Variants in CAPZB observed in about 807,000 individuals in gnomAD.
The protein encoded by CAPZB is F-actin-capping protein subunit beta.
Under a neutral mutation model 38.1 loss-of-function variants are expected in CAPZB, and 2 were observed. The ratio of observed to expected loss-of-function variants is 0.05; its 90% CI spans 0.02 to 0.17. The LOEUF (loss-of-function observed/expected upper bound fraction) is 0.17, where lower values mean the gene tolerates loss of function less well. Among genes scored for constraint, CAPZB ranks in the 10% least tolerant of loss-of-function variants. CAPZB has a pLI of 1.00. For synonymous variants in CAPZB, 107 were observed against 127.4 expected (o/e 0.84, Z 1.08); for missense variants, 161 against 334.2 (o/e 0.48, Z 4.04).
At chr1:19,367,156 G>A (rs10917429) in intron 4 of CAPZB, among the ~76,000 whole-genome samples, 1 of 152,200 alleles carries the variant, frequency 6.6e-6, no homozygotes, top group Non-Finnish European at 1.5e-5. Context: ...AAAGTCCAGA[G>A]AGCTGCAGAC....
intron 1 of CAPZB, among the ~76,000 whole-genome samples, chr1:19,442,009 C>CAAAACAAAAA (rs1553287699): frequency 7.0e-5 from 6 of 86,044 alleles, no homozygotes; most frequent in African/African-American, 1.5e-4. Context: ...ACTCTGTCTC[C>CAAAACAAAAA]AAAAAAAAAA....
intron 1 of CAPZB, among the ~76,000 whole-genome samples, chr1:19,485,052 G>T (rs1054027628): frequency 1.1e-4 from 17 of 152,202 alleles, no homozygotes; most frequent in African/African-American, 4.1e-4. Context: ...AGAGACGGGG[G>T]AAAGCAGACC....
intron 6 of CAPZB, among the ~76,000 whole-genome samples, chr1:19,346,945 T>A (rs765275936): frequency 8.1e-5 from 12 of 147,736 alleles, no homozygotes; most frequent in South Asian, 4.4e-4. Flanking sequence ...TGCCTCAGCC[T>A]CCCCAGTAGC....
At chr1:19,391,755 A>G (rs1370524679) in intron 2 of CAPZB, among the ~76,000 whole-genome samples, 4 of 152,230 alleles carry the variant, frequency 2.6e-5, no homozygotes, top group Non-Finnish European at 5.9e-5. Context: ...CATGTCAAGG[A>G]GAAATTCACA....
intron 6 of CAPZB, among the ~76,000 whole-genome samples, chr1:19,355,910 A>G (rs1177257034): frequency 6.6e-6 from 1 of 152,204 alleles, no homozygotes; most frequent in Non-Finnish European, 1.5e-5. Flanking sequence ...CCAGATGCTT[A>G]TGGGAGCATC....
chr1:19,423,208 A>T (rs1178642517), intron 1 of CAPZB, among the ~76,000 whole-genome samples: 3 of 152,228 alleles, frequency 2.0e-5, no homozygotes, highest in African/African-American at 7.2e-5. Context: ...ACTATCATTC[A>T]ATGAGGAAAT....
intron 1 of CAPZB, among the ~76,000 whole-genome samples, chr1:19,452,397 C>T (rs998467030): frequency 6.6e-6 from 1 of 152,200 alleles, no homozygotes; most frequent in African/African-American, 2.4e-5. Context: ...TCTGTACTGC[C>T]CGAGTCCGGC....
At chr1:19,351,879 T>C (rs1020790923) in intron 6 of CAPZB, among the ~76,000 whole-genome samples, 5 of 152,178 alleles carry the variant, frequency 3.3e-5, no homozygotes, top group African/African-American at 7.2e-5. Flanking sequence ...GTTTCCGCCC[T>C]TCACAGCACG....
intron 4 of CAPZB, among the ~76,000 whole-genome samples, chr1:19,376,708 T>C (rs1366373166): frequency 6.6e-6 from 1 of 152,224 alleles, no homozygotes; most frequent in Non-Finnish European, 1.5e-5. Context: ...GGTCCACTGT[T>C]TGTTTTTCCA....
chr1:19,468,523 G>C (rs898217572), intron 1 of CAPZB, among the ~76,000 whole-genome samples: 1 of 152,160 alleles, frequency 6.6e-6, no homozygotes, highest in Non-Finnish European at 1.5e-5. Flanking sequence ...TGAAAAGGAA[G>C]TCAATGATAA....
At chr1:19,476,871 C>T (rs1231369719) in intron 1 of CAPZB, among the ~76,000 whole-genome samples, 1 of 152,228 alleles carries the variant, frequency 6.6e-6, no homozygotes, top group East Asian at 1.9e-4. Context: ...CCAGTTTCCT[C>T]ATCTATAAAA....
chr1:19,342,530 C>T (rs1215746417), intron 8 of CAPZB, among the ~76,000 whole-genome samples: 3 of 152,252 alleles, frequency 2.0e-5, no homozygotes, highest in South Asian at 4.1e-4. Context: ...GTCTTCCCCA[C>T]ACCCAGCCTC....
At chr1:19,438,811 G>A (rs1236270579) in intron 1 of CAPZB, among the ~76,000 whole-genome samples, 1 of 152,226 alleles carries the variant, frequency 6.6e-6, no homozygotes, top group East Asian at 1.9e-4. Flanking sequence ...TGCTGTGCGT[G>A]ACTCCCCACC....
chr1:19,443,140 A>G (rs551042485), intron 1 of CAPZB, among the ~76,000 whole-genome samples: 3 of 152,028 alleles, frequency 2.0e-5, no homozygotes, highest in African/African-American at 7.3e-5. Flanking sequence ...TAATCACAGC[A>G]CTTTGTGAGG....
At chr1:19,342,678 G>T in intron 8 of CAPZB, 3 of 922,036 alleles carry the variant, frequency 3.3e-6, no homozygotes, top group East Asian at 4.9e-5. Flanking sequence ...AGCAGCAGCC[G>T]GACCGGCAGG....
chr1:19,422,458 A>G (rs577250553), intron 1 of CAPZB, among the ~76,000 whole-genome samples: 2 of 152,282 alleles, frequency 1.3e-5, no homozygotes, highest in East Asian at 3.9e-4. Context: ...CAAACGTTTT[A>G]TATATAATTC....
intron 1 of CAPZB, among the ~76,000 whole-genome samples, chr1:19,427,289 A>G (rs1226604691): frequency 6.6e-6 from 1 of 152,208 alleles, no homozygotes; most frequent in Non-Finnish European, 1.5e-5. Context: ...GTCTGTACAT[A>G]AACAACCAAC....
intron 3 of CAPZB, 100 bp downstream of exon 3, chr1:19,385,405 C>A: frequency 7.1e-6 from 10 of 1,403,710 alleles, no homozygotes; most frequent in Non-Finnish European, 9.9e-6. Flanking sequence ...GAATGGGCTG[C>A]CAGCTGCCCA....
chr1:19,339,688 C>A (rs1326013293), intron 8 of CAPZB, 71 bp from the exon 9 acceptor site: 2 of 1,163,318 alleles, frequency 1.7e-6, no homozygotes, highest in Admixed American at 3.4e-5. Flanking sequence ...CTGGGGGCCA[C>A]CATGCCAGTG....
Sources: allele counts gnomAD v4.1 joint callset (sites outside exome capture counted in the v4.1 genomes callset), GRCh38; gene constraint gnomAD v4.1.1; transcripts MANE v1.5; gene names NCBI Gene and HGNC (gene_info 2026-07-23, HGNC 2026-07-21).